Variants in NRXN1 observed in about 807,000 individuals in gnomAD.
NRXN1 encodes neurexin-1.
Under a neutral mutation model 150.9 loss-of-function variants are expected in NRXN1, and 39 were observed. The observed-to-expected ratio is 0.26, with a 90% CI of 0.20 to 0.34. NRXN1 has a LOEUF of 0.34. Among genes scored for constraint, NRXN1 ranks in the 10% least tolerant of loss-of-function variants. The pLI is 1.00. For missense variants in NRXN1, 1,815 were observed against 1,949.9 expected (o/e 0.93, Z 1.30); for synonymous variants, 924 against 757.0 (o/e 1.22, Z -3.62).
chr2:50,498,829 C>A (rs962916971), intron 13 of NRXN1, among the ~76,000 whole-genome samples: 6 of 152,160 alleles, frequency 3.9e-5, no homozygotes, highest in African/African-American at 1.4e-4. Flanking sequence ...ACTAAAAATG[C>A]TCATTTATTT....
intron 12 of NRXN1, among the ~76,000 whole-genome samples, chr2:50,508,680 A>T (rs1191601684): frequency 6.6e-6 from 1 of 152,100 alleles, no homozygotes; most frequent in African/African-American, 2.4e-5. Context: ...TATCATCGTT[A>T]TACCCCATCC....
intron 17 of NRXN1, among the ~76,000 whole-genome samples, chr2:50,450,665 A>G: frequency 6.6e-6 from 1 of 152,114 alleles, no homozygotes; most frequent in African/African-American, 2.4e-5. Flanking sequence ...CTCTTTTCTC[A>G]TAAGTTATCC....
At chr2:50,458,091 G>A (rs956497833) in intron 17 of NRXN1, among the ~76,000 whole-genome samples, 3 of 152,128 alleles carry the variant, frequency 2.0e-5, no homozygotes, top group Admixed American at 6.6e-5. Context: ...CTAAGAATCT[G>A]TGGATAAACG....
intron 17 of NRXN1, among the ~76,000 whole-genome samples, chr2:50,424,657 T>C (rs1434568378): frequency 6.6e-6 from 1 of 152,168 alleles, no homozygotes; most frequent in Non-Finnish European, 1.5e-5. Flanking sequence ...ATTTAATTAA[T>C]TATATGACTT....
chr2:50,082,169 G>T (rs928494846), intron 19 of NRXN1, among the ~76,000 whole-genome samples: 19 of 152,096 alleles, frequency 1.2e-4, no homozygotes. Flanking sequence ...TATCTGACAT[G>T]ATTAATTCAT....
chr2:50,236,679 A>G lies in NRXN1; in HGVS notation c.3546+110T>C, dbSNP rs1269251436. The stretch of plus-strand genomic sequence containing the variant: ...AGATTGTATTCATATTTCCTATAAC[A>G]AAGTACTGGTTTCTGGGGGAAGGAA... On this transcript the variant is annotated intron_variant, in intron 18 of 22. Coordinates refer to ENST00000401669, the MANE Select transcript of NRXN1 (RefSeq NM_001330078.2). 9 of 927,196 alleles carry G rather than the reference A, an allele frequency of 9.7e-6. No homozygotes were observed. The Admixed American group carries it at 1.6e-4, about 16-fold the overall frequency. 57.4% of individuals were successfully genotyped at this position (927,196 alleles called of 1,614,324 possible).
intron 18 of NRXN1, among the ~76,000 whole-genome samples, chr2:50,204,156 G>C (rs987971235): frequency 3.3e-5 from 5 of 152,074 alleles, no homozygotes; most frequent in Admixed American, 2.0e-4. Context: ...AAAATGCAGA[G>C]GCTATAAAGT....
At chr2:50,611,645 G>C (rs1185534668) in intron 8 of NRXN1, among the ~76,000 whole-genome samples, 1 of 152,174 alleles carries the variant, frequency 6.6e-6, no homozygotes, top group East Asian at 1.9e-4. Flanking sequence ...CAATACTTTA[G>C]AAAATCTAAA....
chr2:50,786,201 T>A (rs932698927), intron 5 of NRXN1, among the ~76,000 whole-genome samples: 1 of 152,136 alleles, frequency 6.6e-6, no homozygotes, highest in Non-Finnish European at 1.5e-5. Flanking sequence ...CACATTATAA[T>A]ACCAGAAAAC....
chr2:50,315,515 A>C (rs771690286), intron 17 of NRXN1, among the ~76,000 whole-genome samples: 1 of 152,150 alleles, frequency 6.6e-6, no homozygotes, highest in Non-Finnish European at 1.5e-5. Context: ...GCAATATTCA[A>C]ATCTGTGGCA....
intron 5 of NRXN1, among the ~76,000 whole-genome samples, chr2:50,822,250 T>A (rs1365997348): frequency 6.6e-6 from 1 of 152,172 alleles, no homozygotes; most frequent in Non-Finnish European, 1.5e-5. Context: ...GCTTTCCGTT[T>A]AAACTGTCTT....
chr2:50,332,674 C>T (rs541109307), intron 17 of NRXN1, among the ~76,000 whole-genome samples: 3 of 152,306 alleles, frequency 2.0e-5, no homozygotes, highest in Non-Finnish European at 2.9e-5. Context: ...TTTTACAGAA[C>T]ATTTCAATTT....
At chr2:50,015,532 AAAAAAAAAAAAAG>A (rs1463057027) in intron 21 of NRXN1, among the ~76,000 whole-genome samples, 1 of 148,940 alleles carries the variant, frequency 6.7e-6, no homozygotes, top group Non-Finnish European at 1.5e-5. Flanking sequence ...AAAAAAAAAA[AAAAAAAAAAAAAG>A]ACCTGGGCTT....
At chr2:50,253,197 A>T (rs1248441069) in intron 17 of NRXN1, among the ~76,000 whole-genome samples, 1 of 152,020 alleles carries the variant, frequency 6.6e-6, no homozygotes, top group Non-Finnish European at 1.5e-5. Context: ...TTCATTCACG[A>T]TTTGACTCTC....
chr2:50,671,845 A>C (rs867277214), intron 5 of NRXN1, among the ~76,000 whole-genome samples: 3 of 151,882 alleles, frequency 2.0e-5, no homozygotes, highest in African/African-American at 4.8e-5. Flanking sequence ...TTTAGAGAAC[A>C]ATGGAAATTT....
intron 18 of NRXN1, among the ~76,000 whole-genome samples, chr2:50,218,003 TTC>T: frequency 6.6e-6 from 1 of 152,132 alleles, no homozygotes. Context: ...CTTTGTTTTC[TTC>T]TGTTTGGCAC....
chr2:50,016,739 T>C (rs1444709731), intron 21 of NRXN1, among the ~76,000 whole-genome samples: 1 of 152,130 alleles, frequency 6.6e-6, no homozygotes, highest in African/African-American at 2.4e-5. Flanking sequence ...GTGCTGATTA[T>C]TACAATTCAA....
chr2:50,893,274 T>C (rs1408369476), intron 5 of NRXN1, among the ~76,000 whole-genome samples: 1 of 152,210 alleles, frequency 6.6e-6, no homozygotes, highest in Non-Finnish European at 1.5e-5. Flanking sequence ...AATACATTAT[T>C]AAAACTCTTT....
chr2:50,517,836 G>C (rs1227833801), intron 12 of NRXN1, among the ~76,000 whole-genome samples: 1 of 152,082 alleles, frequency 6.6e-6, no homozygotes, highest in East Asian at 1.9e-4. Flanking sequence ...AGAGTTGTTG[G>C]AAACACCCTC....
Sources: allele counts gnomAD v4.1 joint callset (sites outside exome capture counted in the v4.1 genomes callset), GRCh38; gene constraint gnomAD v4.1.1; transcripts MANE v1.5; gene names NCBI Gene and HGNC (gene_info 2026-07-23, HGNC 2026-07-21).